The following SPAG17 variants were observed in gnomAD, a reference collection of about 807,000 sequenced individuals.
The protein encoded by SPAG17 is sperm-associated antigen 17.
SPAG17 carries 169 observed loss-of-function variants against 273.6 expected under a neutral mutation model. The ratio of observed to expected loss-of-function variants is 0.62; its 90% CI spans 0.55 to 0.70. SPAG17 has a LOEUF of 0.70. Among genes scored for constraint, SPAG17 ranks in the 30% least tolerant of loss-of-function variants. The pLI, the probability that SPAG17 is intolerant of heterozygous loss-of-function variation, is 0.00. For synonymous variants in SPAG17, 825 were observed against 873.2 expected, an observed-to-expected ratio of 0.94 and a Z score of 0.97; for missense variants, 2,557 against 2,627.8, an observed-to-expected ratio of 0.97 and a Z score of 0.59.
intron 38 of SPAG17, 138 bp from the exon 39 acceptor site, chr1:117,988,342 A>G: frequency 3.9e-6 from 2 of 511,406 alleles, no homozygotes; most frequent in Non-Finnish European, 3.3e-6. Flanking sequence ...GACTTACATG[A>G]CCAAGCTGTA....
At chr1:118,037,037 T>C (rs984048402) in intron 23 of SPAG17, among the ~76,000 whole-genome samples, 154 bp from the exon 24 acceptor site, 3 of 152,144 alleles carry the variant, frequency 2.0e-5, no homozygotes, top group Non-Finnish European at 4.4e-5. Context: ...CTCAGGGTTG[T>C]TAGAGGTAGG....
intron 34 of SPAG17, among the ~76,000 whole-genome samples, chr1:117,995,568 A>G (rs143457529): frequency 6.6e-6 from 1 of 152,128 alleles, no homozygotes; most frequent in African/African-American, 2.4e-5. Context: ...CATATTCACA[A>G]AGAGCAAGGT....
intron 38 of SPAG17, among the ~76,000 whole-genome samples, chr1:117,988,985 C>T (rs753491512): frequency 5.3e-5 from 8 of 152,096 alleles, no homozygotes; most frequent in Non-Finnish European, 1.2e-4. Context: ...TAAAAAAATA[C>T]GTTAGTTTGT....
chr1:118,064,646 T>C (rs1652760312), intron 18 of SPAG17, among the ~76,000 whole-genome samples: 1 of 146,834 alleles, frequency 6.8e-6, no homozygotes. Context: ...AAATGACGAG[T>C]TAATGGGTGC....
intron 23 of SPAG17, 71 bp from the exon 24 acceptor site, chr1:118,036,954 A>T: frequency 8.8e-7 from 1 of 1,136,942 alleles, no homozygotes; most frequent in Non-Finnish European, 1.3e-6. Context: ...CTCAGTGGGA[A>T]GGCTGGGAAT....
chr1:117,981,270 C>A lies in SPAG17; in HGVS notation c.6004G>T (p.Glu2002Ter). Residue 2002 changes from glutamate to a stop codon, truncating the protein, a stop_gained and splice_region_variant, in exon 43 of 49, where the codon GAA becomes TAA. Transcript: ENST00000336338. LOFTEE classifies it high-confidence loss of function. ...QTENLTKSPE[E>*]AESYEPVKIP... is the part of the protein sequence containing the mutation. ...AATAAGATAAAAAAGACTGCCATACCTTCAGGAGATTTTGTTAAATTTTCA... is the reference window on the plus strand; with the variant it reads ...AATAAGATAAAAAAGACTGCCATACATTCAGGAGATTTTGTTAAATTTTCA... The A allele has an allele frequency of 1.3e-6, 2 of 1,564,656 alleles. No homozygotes were observed. The highest frequency in any genetic ancestry group is 1.7e-6 in the Non-Finnish European group (2 of 1,165,724).
intron 3 of SPAG17, among the ~76,000 whole-genome samples, chr1:118,115,777 A>T (rs1657040281): frequency 2.0e-5 from 3 of 152,224 alleles, no homozygotes; most frequent in Non-Finnish European, 4.4e-5. Flanking sequence ...AGGGTGATTC[A>T]TGCTACAGAA....
Position 118,151,262 on chromosome 1 carries a change from G to A in SPAG17, c.195C>T (p.Phe65=). 1 of 1,611,222 alleles carries A rather than the reference G, an allele frequency of 6.2e-7. No individual in the cohort carries two copies. The highest frequency in any genetic ancestry group is 2.2e-5 in the East Asian group (1 of 44,838). The change falls in exon 2 of 49, where the codon TTC becomes TTT. Residue 65 remains phenylalanine, a synonymous_variant. Transcript: ENST00000336338. The part of the protein sequence containing the change: ...VAVQVPQRKL[F]SMVSWQDILQ... ...GAATGTCTTGCCACGACACCATACT[G>A]AAGAGTTTACGCTGAGGGACCTGGA... is the stretch of plus-strand genomic sequence containing the variant.
At chr1:118,112,109 C>CT (rs1309109725) in intron 4 of SPAG17, among the ~76,000 whole-genome samples, 1 of 151,524 alleles carries the variant, frequency 6.6e-6, no homozygotes, top group Non-Finnish European at 1.5e-5. Flanking sequence ...TGTATCGAAG[C>CT]TTTTTTTTCA....
At chr1:118,144,492 G>A (rs1658860894) in intron 3 of SPAG17, among the ~76,000 whole-genome samples, 1 of 152,104 alleles carries the variant, frequency 6.6e-6, no homozygotes. Flanking sequence ...TGTTTTTATA[G>A]TCCCAACGTA....
chr1:118,128,993 T>C (rs1414832407), intron 3 of SPAG17, among the ~76,000 whole-genome samples: 3 of 152,230 alleles, frequency 2.0e-5, no homozygotes, highest in Non-Finnish European at 2.9e-5. Flanking sequence ...CATGGTTTTC[T>C]GGGGCTGCTT....
intron 1 of SPAG17, among the ~76,000 whole-genome samples, chr1:118,151,814 G>A (rs958340482): frequency 6.6e-6 from 1 of 152,116 alleles, no homozygotes; most frequent in Non-Finnish European, 1.5e-5. Flanking sequence ...TAAATGTTGG[G>A]TCATATTGGA....
intron 43 of SPAG17, among the ~76,000 whole-genome samples, chr1:117,978,962 G>A (rs1655444343): frequency 6.6e-6 from 1 of 151,702 alleles, no homozygotes; most frequent in Admixed American, 6.6e-5. Context: ...CTACCTCCCT[G>A]GTTCAAGCGA....
At chr1:117,999,027 G>A (rs967285221) in intron 32 of SPAG17, among the ~76,000 whole-genome samples, 5 of 142,224 alleles carry the variant, frequency 3.5e-5, no homozygotes, top group African/African-American at 5.4e-5. Flanking sequence ...TCCCCGCCCT[G>A]TGTCCAAGTG....
intron 2 of SPAG17, among the ~76,000 whole-genome samples, chr1:118,150,945 T>C (rs1659342069): frequency 6.6e-6 from 1 of 152,202 alleles, no homozygotes; most frequent in Non-Finnish European, 1.5e-5. Context: ...TTTATAATTA[T>C]TTAACTTGAA....
rs1557862887 is a variant in SPAG17 at position 117,981,375 on chromosome 1, G to T, written c.5899C>A (p.Gln1967Lys). 6.3e-7 allele frequency: 1 copy of T among 1,597,546 alleles called. No homozygotes were observed. Among genetic ancestry groups the T allele is most frequent in the Non-Finnish European group, 8.5e-7 (1 of 1,176,224 alleles). Residue 1967 changes from glutamine (Q) to lysine (K), a missense_variant, in exon 43 of 49, where the codon CAG becomes AAG. By Grantham distance (53) the Gln-to-Lys change is moderately conservative. Transcript: ENST00000336338. ...LDFKPHKVSE[Q>K]KSSSVPSLPK... Reference sequence around the variant, plus strand: ...AGACTAGGCACACTTGAGGATTTCTGTTCTGAAACCTTATGTGGCTTGAAA... The same window carrying T: ...AGACTAGGCACACTTGAGGATTTCTTTTCTGAAACCTTATGTGGCTTGAAA...
intron 3 of SPAG17, among the ~76,000 whole-genome samples, chr1:118,129,502 A>G (rs1230233500): frequency 6.6e-6 from 1 of 152,106 alleles, no homozygotes; most frequent in African/African-American, 2.4e-5. Context: ...TAGATTTGAG[A>G]ACCATTGTTT....
intron 29 of SPAG17, among the ~76,000 whole-genome samples, chr1:118,013,475 T>C (rs1039082519): frequency 9.2e-5 from 14 of 152,182 alleles, no homozygotes; most frequent in African/African-American, 3.4e-4. Context: ...GAGCATGAGC[T>C]CTGGGGTTAA....
At position 118,025,265 on chromosome 1, in the gene SPAG17, G is replaced by C; in HGVS notation, c.3882C>G (p.Val1294=). Residue 1294 remains valine (V), a synonymous_variant, in exon 27 of 49, where the codon GTC becomes GTG. Transcript: ENST00000336338. ...GTGTGGATCCATCCAACATATATTT[G>C]ACAACAGTGCCTTGACTGGTGATAA... ...SRVITSQGTV[V]KYMLDGSTQI... 6.2e-7 allele frequency: 1 copy of C among 1,612,982 alleles called. No individual in the cohort carries two copies. Among genetic ancestry groups the C allele is most frequent in the Non-Finnish European group, 8.5e-7 (1 of 1,179,544 alleles).
Sources: gnomAD v4.1 joint callset for allele counts (sites outside exome capture counted in the v4.1 genomes callset) on GRCh38, gnomAD v4.1.1 for gene constraint, MANE v1.5 for transcripts, NCBI Gene and HGNC (gene_info 2026-07-23, HGNC 2026-07-21) for gene names.